RSPO3: variants seen among roughly 807,000 people sequenced by gnomAD.
RSPO3 encodes the protein R-spondin-3.
RSPO3 carries 17 observed loss-of-function variants against 36.5 expected under a neutral mutation model. The ratio of observed to expected loss-of-function variants is 0.47; its 90% CI spans 0.32 to 0.70. The LOEUF (loss-of-function observed/expected upper bound fraction) is 0.70. Among genes scored for constraint, RSPO3 ranks in the 30% least tolerant of loss-of-function variants. The probability of loss-of-function intolerance (pLI) is 0.04; values close to 1 mark genes in which losing one functional copy is unlikely to be tolerated. For synonymous variants in RSPO3, 108 were observed against 107.0 expected, an observed-to-expected ratio of 1.01 and a Z score of -0.06; for missense variants, 294 against 322.5, an observed-to-expected ratio of 0.91 and a Z score of 0.68.
chr6:127,140,174 T>TA (rs1175348527), intron 1 of RSPO3, among the ~76,000 whole-genome samples: 1 of 152,212 alleles, frequency 6.6e-6, no homozygotes, highest in Non-Finnish European at 1.5e-5. Flanking sequence ...ACAGTGTTGT[T>TA]ACTCTAAGTT....
chr6:127,121,288 C>G (rs1773839479), intron 1 of RSPO3, among the ~76,000 whole-genome samples: 1 of 152,192 alleles, frequency 6.6e-6, no homozygotes. Context: ...GGAAGCTTTC[C>G]CCGGGCGCTG....
chr6:127,161,955 T>C (rs1774717862), intron 4 of RSPO3, among the ~76,000 whole-genome samples: 2 of 152,132 alleles, frequency 1.3e-5, no homozygotes, highest in African/African-American at 4.8e-5. Flanking sequence ...AACCACTTAC[T>C]TAACAATTTG....
At chr6:127,136,079 CTT>C (rs34043174) in intron 1 of RSPO3, among the ~76,000 whole-genome samples, 189 of 152,266 alleles carry the variant, frequency 1.2e-3, no homozygotes, top group Non-Finnish European at 2.2e-3. Context: ...ATTGAAGTCA[CTT>C]TGCAGTGGAG....
chr6:127,166,448 T>G (rs1463772920), intron 4 of RSPO3, among the ~76,000 whole-genome samples: 1 of 152,040 alleles, frequency 6.6e-6, no homozygotes, highest in Non-Finnish European at 1.5e-5. Context: ...TGGTTTCAAA[T>G]TTCAGTTGTG....
intron 4 of RSPO3, among the ~76,000 whole-genome samples, chr6:127,157,455 CA>C (rs573542387): frequency 3.2e-4 from 45 of 142,624 alleles, no homozygotes; most frequent in African/African-American, 1.1e-3. Flanking sequence ...TTGAAAATGT[CA>C]ACTGTTAAAA....
intron 4 of RSPO3, among the ~76,000 whole-genome samples, chr6:127,171,818 A>C (rs1444771068): frequency 6.6e-6 from 1 of 151,616 alleles, no homozygotes; most frequent in Admixed American, 6.6e-5. Context: ...TTTTTATATA[A>C]ACTCTAAGGA....
intron 1 of RSPO3, among the ~76,000 whole-genome samples, chr6:127,127,104 C>G (rs1936807): frequency 0.55 from 83,973 of 151,864 alleles, 23,370 homozygotes; most frequent in African/African-American, 0.64. Context: ...ACATTCCTGA[C>G]AGTAAGTGGT....
intron 1 of RSPO3, chr6:127,120,046 G>A (rs1267913802): frequency 1.3e-5 from 2 of 152,282 alleles, no homozygotes; most frequent in Non-Finnish European, 1.5e-5. Context: ...TGTCCCCTGG[G>A]ACACACACGT....
chr6:127,195,601 G>T (rs1430683227), intron 4 of RSPO3, among the ~76,000 whole-genome samples: 1 of 152,112 alleles, frequency 6.6e-6, no homozygotes, highest in Non-Finnish European at 1.5e-5. Context: ...ATTTCAAACA[G>T]TCATATGTTA....
intron 3 of RSPO3, among the ~76,000 whole-genome samples, chr6:127,154,384 C>A (rs746091027): frequency 5.3e-5 from 8 of 151,644 alleles, no homozygotes; most frequent in Non-Finnish European, 1.0e-4. Flanking sequence ...CTGAGAAAGC[C>A]GTTATTGAAA....
Position 127,196,789 on chromosome 6 carries a change from G to A in RSPO3, c.*782G>A, listed in dbSNP as rs1775523148. ...ATTATATATCAACCTGTAAACATGT[G>A]CCTGTAACTTACTTCCAAAAACAAA... On this transcript the variant is annotated 3_prime_UTR_variant, in exon 5 of 5. Coordinates refer to ENST00000356698, the MANE Select transcript of RSPO3 (RefSeq NM_032784.5). 1 of 152,776 alleles carries A rather than the reference G, an allele frequency of 6.5e-6. No homozygotes were observed. The highest frequency in any genetic ancestry group is 2.4e-5 in the African/African-American group (1 of 41,418). The allele number at this position is 152,776 out of a possible 1,614,324, so 9.5% of individuals were successfully genotyped here.
At chr6:127,146,349 C>G (rs2114577285) in intron 1 of RSPO3, among the ~76,000 whole-genome samples, 1 of 152,002 alleles carries the variant, frequency 6.6e-6, no homozygotes, top group Non-Finnish European at 1.5e-5. Flanking sequence ...GACTGTGCTC[C>G]ATTTCATCAG....
chr6:127,134,083 G>A (rs573742932), intron 1 of RSPO3, among the ~76,000 whole-genome samples: 2 of 152,228 alleles, frequency 1.3e-5, no homozygotes, highest in African/African-American at 2.4e-5. Flanking sequence ...TTTTCTCTGG[G>A]AAACAGAGAC....
intron 1 of RSPO3, among the ~76,000 whole-genome samples, chr6:127,128,149 T>C (rs1475756493): frequency 6.6e-6 from 1 of 152,078 alleles, no homozygotes; most frequent in Non-Finnish European, 1.5e-5. Context: ...TTCTATGTAA[T>C]TTACAACCAC....
intron 4 of RSPO3, among the ~76,000 whole-genome samples, chr6:127,160,955 T>C (rs1286151869): frequency 6.6e-6 from 1 of 152,176 alleles, no homozygotes; most frequent in African/African-American, 2.4e-5. Flanking sequence ...TATTTGATAT[T>C]TTTTTCTCCT....
Position 127,119,217 on chromosome 6 carries a change from C to T in RSPO3, c.25C>T (p.Leu9Phe). 1 of 1,613,822 alleles carries T rather than the reference C, an allele frequency of 6.2e-7. No individual in the cohort carries two copies. Among genetic ancestry groups the T allele is most frequent in the Non-Finnish European group, 8.5e-7 (1 of 1,179,754 alleles). MHLRLISWLFIILNFMEYI... is the reference protein window; with the variant it reads MHLRLISWFFIILNFMEYI... ...TATGCACTTGCGACTGATTTCTTGG[C>T]TTTTTATCATTTTGAACTTTATGGA... The change falls in exon 1 of 5, where the codon CTT becomes TTT. Residue 9 changes from leucine to phenylalanine, a missense_variant. Physicochemically the swap from Leu to Phe is conservative, Grantham distance 22. Coordinates refer to ENST00000356698, the MANE Select transcript of RSPO3 (RefSeq NM_032784.5).
chr6:127,197,340 G>A lies in RSPO3; in HGVS notation c.*1333G>A. ...CTCCCCCTTCATTGCTTAGAAATGG[G>A]CATCATTTCTTGTATGTCAGATCCC... On this transcript the variant is annotated 3_prime_UTR_variant, in exon 5 of 5. Transcript: ENST00000356698. 2 of 1,496,456 alleles carry A rather than the reference G, an allele frequency of 1.3e-6. No homozygotes were observed. Among genetic ancestry groups the A allele is most frequent in the East Asian group, 2.5e-5 (1 of 40,430 alleles). The allele number at this position is 1,496,456 out of a possible 1,614,324, so 92.7% of individuals were successfully genotyped here.
intron 4 of RSPO3, among the ~76,000 whole-genome samples, chr6:127,159,545 T>G (rs1022122910): frequency 2.6e-5 from 4 of 152,080 alleles, no homozygotes; most frequent in African/African-American, 9.7e-5. Flanking sequence ...TGTATTACTG[T>G]ACTATTTGAG....
chr6:127,123,943 G>A (rs1033578757), intron 1 of RSPO3, among the ~76,000 whole-genome samples: 1 of 151,966 alleles, frequency 6.6e-6, no homozygotes, highest in Non-Finnish European at 1.5e-5. Flanking sequence ...GAATTTATTA[G>A]ACATCTGATT....
Sources: gnomAD v4.1 joint callset for allele counts (sites outside exome capture counted in the v4.1 genomes callset) on GRCh38, gnomAD v4.1.1 for gene constraint, MANE v1.5 for transcripts, NCBI Gene and HGNC (gene_info 2026-07-23, HGNC 2026-07-21) for gene names.